ADGRL2: variants seen among roughly 807,000 people sequenced by gnomAD.
ADGRL2 encodes the protein adhesion G protein-coupled receptor L2.
In ADGRL2, 44 loss-of-function variants were observed where a neutral mutation model predicts 157.4. That is an observed-to-expected ratio of 0.28 (90% CI 0.22 to 0.36). The LOEUF is 0.36. Ranked by LOEUF, ADGRL2 falls within the 10% of genes least tolerant of loss-of-function variation. ADGRL2 has a pLI of 1.00. For missense variants in ADGRL2, 1,510 were observed against 1,768.9 expected, an observed-to-expected ratio of 0.85 and a Z score of 2.63; for synonymous variants, 585 against 624.7, an observed-to-expected ratio of 0.94 and a Z score of 0.95.
At chr1:81,665,166 GGATA>G (rs923410540) in intron 3 of ADGRL2, among the ~76,000 whole-genome samples, 7 of 152,046 alleles carry the variant, frequency 4.6e-5, no homozygotes, top group African/African-American at 1.7e-4. Flanking sequence ...AAAGACAGAT[GGATA>G]AACTGATTAT....
intron 1 of ADGRL2, among the ~76,000 whole-genome samples, chr1:81,318,757 GT>G (rs899515154): frequency 9.2e-5 from 14 of 151,726 alleles, no homozygotes; most frequent in African/African-American, 3.4e-4. Context: ...CCTGTTTTAT[GT>G]TTTTTTCTTA....
intron 6 of ADGRL2, among the ~76,000 whole-genome samples, chr1:81,946,676 G>A (rs1013565360): frequency 4.6e-5 from 7 of 152,068 alleles, no homozygotes; most frequent in Admixed American, 2.6e-4. Flanking sequence ...TTTTTATAAA[G>A]AGAGCCATTT....
intron 1 of ADGRL2, among the ~76,000 whole-genome samples, chr1:81,439,436 C>T (rs887471035): frequency 1.3e-5 from 2 of 152,234 alleles, no homozygotes; most frequent in Non-Finnish European, 2.9e-5. Context: ...AATAACGAAA[C>T]CTACTGATGC....
intron 1 of ADGRL2, among the ~76,000 whole-genome samples, chr1:81,700,963 T>C (rs1274986925): frequency 6.6e-6 from 1 of 152,250 alleles, no homozygotes; most frequent in Non-Finnish European, 1.5e-5. Flanking sequence ...CATGAGAGTT[T>C]GCATGCAAAT....
intron 1 of ADGRL2, among the ~76,000 whole-genome samples, chr1:81,736,581 T>C (rs2084909186): frequency 6.6e-6 from 1 of 152,218 alleles, no homozygotes. Context: ...GACATGGACA[T>C]AAGAGGCCAA....
chr1:81,367,196 C>CTTGTT (rs59727022), intron 1 of ADGRL2, among the ~76,000 whole-genome samples: 76,592 of 151,288 alleles, frequency 0.51, 21,389 homozygotes, highest in East Asian at 0.72. Flanking sequence ...GGCAGTAACT[C>CTTGTT]TTGTTTTGTT....
At chr1:81,454,640 G>A (rs1006584687) in intron 2 of ADGRL2, among the ~76,000 whole-genome samples, 5 of 152,108 alleles carry the variant, frequency 3.3e-5, no homozygotes, top group South Asian at 2.1e-4. Flanking sequence ...TTAGCACTTC[G>A]TTGAAAAACA....
chr1:81,686,702 T>C (rs2083234851), intron 3 of ADGRL2, among the ~76,000 whole-genome samples: 1 of 152,208 alleles, frequency 6.6e-6, no homozygotes, highest in African/African-American at 2.4e-5. Context: ...TTCTTATTTC[T>C]CTAGTCCCTT....
intron 1 of ADGRL2, among the ~76,000 whole-genome samples, chr1:81,727,892 T>A (rs1016541047): frequency 2.0e-5 from 3 of 152,148 alleles, no homozygotes; most frequent in African/African-American, 7.2e-5. Context: ...TTTAAAGATT[T>A]AGGAAATTAC....
At chr1:81,442,351 A>G (rs1344893680) in intron 1 of ADGRL2, among the ~76,000 whole-genome samples, 1 of 152,230 alleles carries the variant, frequency 6.6e-6, no homozygotes, top group Non-Finnish European at 1.5e-5. Context: ...CTTTTTTATT[A>G]CAAATGAAAA....
At chr1:81,773,193 C>T (rs2149353529) in intron 2 of ADGRL2, among the ~76,000 whole-genome samples, 1 of 152,238 alleles carries the variant, frequency 6.6e-6, no homozygotes, top group Admixed American at 6.5e-5. Context: ...TGATTCTGAG[C>T]CTTAATTCCA....
chr1:81,797,825 G>A (rs2087668428), upstream of ADGRL2, among the ~76,000 whole-genome samples: 1 of 152,122 alleles, frequency 6.6e-6, no homozygotes, highest in African/African-American at 2.4e-5. Context: ...GAAAAAACAT[G>A]TATGGTTAAA....
At chr1:81,342,539 T>C (rs995039242) in intron 1 of ADGRL2, among the ~76,000 whole-genome samples, 1 of 152,198 alleles carries the variant, frequency 6.6e-6, no homozygotes, top group African/African-American at 2.4e-5. Context: ...AGATTCCATC[T>C]GGCAATTTAG....
At chr1:81,750,013 C>T (rs2149262807) in intron 1 of ADGRL2, among the ~76,000 whole-genome samples, 1 of 152,230 alleles carries the variant, frequency 6.6e-6, no homozygotes, top group African/African-American at 2.4e-5. Context: ...AAATATTTGT[C>T]AAATATGTGA....
intron 1 of ADGRL2, among the ~76,000 whole-genome samples, chr1:81,720,075 G>T (rs1321666008): frequency 1.3e-5 from 2 of 152,000 alleles, no homozygotes; most frequent in African/African-American, 4.8e-5. Context: ...AATTGCTGCT[G>T]AGGTTGCCAG....
At chr1:81,534,701 C>G (rs1264091756) in intron 2 of ADGRL2, among the ~76,000 whole-genome samples, 1 of 152,146 alleles carries the variant, frequency 6.6e-6, no homozygotes, top group East Asian at 1.9e-4. Flanking sequence ...GATTCTTGAA[C>G]TAGTTAGTTT....
intron 1 of ADGRL2, among the ~76,000 whole-genome samples, chr1:81,412,831 G>A (rs1326099511): frequency 1.3e-5 from 2 of 152,136 alleles, no homozygotes; most frequent in Middle Eastern, 3.2e-3. Flanking sequence ...AGTCCAATGT[G>A]TGTGCCAGTT....
chr1:81,414,993 A>G (rs1464919348), intron 1 of ADGRL2, among the ~76,000 whole-genome samples: 1 of 152,134 alleles, frequency 6.6e-6, no homozygotes, highest in Non-Finnish European at 1.5e-5. Context: ...GATTTCTCCT[A>G]GACTACACAA....
chr1:81,670,315 C>T (rs980547786), intron 3 of ADGRL2, among the ~76,000 whole-genome samples: 1 of 152,172 alleles, frequency 6.6e-6, no homozygotes, highest in Non-Finnish European at 1.5e-5. Context: ...CTTCTGTAAC[C>T]AGGCCACTTA....
Sources: allele counts gnomAD v4.1 joint callset (sites outside exome capture counted in the v4.1 genomes callset), GRCh38; gene constraint gnomAD v4.1.1; transcripts MANE v1.5; gene names NCBI Gene and HGNC (gene_info 2026-07-23, HGNC 2026-07-21).